The following LRRIQ3 variants were observed in gnomAD, a reference collection of about 807,000 sequenced individuals.
The protein encoded by LRRIQ3 is leucine rich repeats and IQ motif containing 3.
A neutral mutation model predicts 59.3 loss-of-function variants in LRRIQ3; 75 were observed. The ratio of observed to expected loss-of-function variants is 1.26; its 90% CI spans 1.05 to 1.53. The LOEUF is 1.53. Among genes scored for constraint, LRRIQ3 ranks in the 40% most tolerant of loss-of-function variants. The pLI, the probability that LRRIQ3 is intolerant of heterozygous loss-of-function variation, is 0.00. For missense variants in LRRIQ3, 831 were observed against 710.0 expected (o/e 1.17, Z -1.94); for synonymous variants, 250 against 231.3 (o/e 1.08, Z -0.73).
chr1:74,186,485 T>C (rs1650388138), intron 1 of LRRIQ3, among the ~76,000 whole-genome samples: 1 of 152,198 alleles, frequency 6.6e-6, no homozygotes, highest in Non-Finnish European at 1.5e-5. Flanking sequence ...AGTAGCTTTG[T>C]GACATTAACA....
chr1:74,132,591 C>T (rs1042518070), intron 4 of LRRIQ3, among the ~76,000 whole-genome samples: 3 of 151,968 alleles, frequency 2.0e-5, no homozygotes, highest in African/African-American at 7.3e-5. Flanking sequence ...CTTTGACAAA[C>T]CTGACAAAAA....
chr1:74,077,366 T>C (rs1646220782), intron 5 of LRRIQ3, among the ~76,000 whole-genome samples: 1 of 151,954 alleles, frequency 6.6e-6, no homozygotes, highest in South Asian at 2.1e-4. Context: ...CTCACTTTTA[T>C]CCTACCCATG....
intron 4 of LRRIQ3, 130 bp downstream of exon 4, chr1:74,155,603 G>T: frequency 1.5e-6 from 1 of 685,026 alleles, no homozygotes; most frequent in Non-Finnish European, 2.3e-6. Context: ...CTTAAAGTTA[G>T]GTTAAACAGA....
Position 74,026,697 on chromosome 1 carries a change from A to G in LRRIQ3, c.*116T>C. ...CTTTATATTTTTAGAAGACTTATAT[A>G]TAAATCCATCTTGTGATGTAGAGTA... is the stretch of plus-strand genomic sequence containing the variant. On this transcript the variant is annotated 3_prime_UTR_variant, in exon 8 of 8. Transcript: ENST00000354431. The G allele has an allele frequency of 1.3e-6, 1 of 777,260 alleles. No individual in the cohort carries two copies. Among genetic ancestry groups the G allele is most frequent in the Non-Finnish European group, 2.0e-6 (1 of 503,538 alleles). 48.1% of individuals were successfully genotyped at this position (777,260 alleles called of 1,614,324 possible).
At chr1:74,177,844 C>T (rs1403263005) in intron 3 of LRRIQ3, among the ~76,000 whole-genome samples, 1 of 151,838 alleles carries the variant, frequency 6.6e-6, no homozygotes, top group Non-Finnish European at 1.5e-5. Flanking sequence ...GAAATGCAAG[C>T]CCTATGTGCT....
chr1:74,043,402 A>G (rs1016669907), intron 6 of LRRIQ3, among the ~76,000 whole-genome samples: 2 of 152,150 alleles, frequency 1.3e-5, no homozygotes, highest in Non-Finnish European at 2.9e-5. Flanking sequence ...GACAGTAGAA[A>G]ATAATTGAAT....
In LRRIQ3 at chr1:74,198,099, TAG is replaced by T; in HGVS notation, c.-106_-105del. 1 of 1,321,692 alleles carries T rather than the reference TAG, an allele frequency of 7.6e-7. No individual in the cohort carries two copies. Among genetic ancestry groups the T allele is most frequent in the East Asian group, 2.5e-5 (1 of 39,372 alleles). 81.9% of individuals were successfully genotyped at this position (1,321,692 alleles called of 1,614,324 possible). ...GGCCATCTGCTCCTGAGACCGTTGCTAGAGAAACAAGACAACATCCAAGTTCT... is the reference window on the plus strand; with the variant it reads ...GGCCATCTGCTCCTGAGACCGTTGCTAGAAACAAGACAACATCCAAGTTCT... On this transcript the variant is annotated 5_prime_UTR_variant, in exon 1 of 8. It introduces an in-frame stop codon into an upstream open reading frame of the 5' UTR. Coordinates refer to ENST00000354431, the MANE Select transcript of LRRIQ3 (RefSeq NM_001105659.2).
intron 4 of LRRIQ3, among the ~76,000 whole-genome samples, chr1:74,151,139 T>A (rs1311267957): frequency 6.7e-6 from 1 of 148,472 alleles, no homozygotes; most frequent in Non-Finnish European, 1.5e-5. Context: ...TGCCTCAGCC[T>A]CCTGAGTAGC....
intron 1 of LRRIQ3, among the ~76,000 whole-genome samples, chr1:74,197,736 A>G (rs1029576422): frequency 6.6e-6 from 1 of 152,192 alleles, no homozygotes; most frequent in African/African-American, 2.4e-5. Context: ...AGGTTCCTAG[A>G]AAGAGCAGAG....
intron 3 of LRRIQ3, among the ~76,000 whole-genome samples, chr1:74,163,871 T>C (rs142900245): frequency 5.3e-5 from 8 of 151,702 alleles, no homozygotes; most frequent in African/African-American, 1.9e-4. Context: ...TTTATTTTCC[T>C]ACCAGTTTTG....
Position 74,197,999 on chromosome 1 carries a change from G to C in LRRIQ3, c.-4C>G. On this transcript the variant is annotated 5_prime_UTR_variant, in exon 1 of 8. Coordinates refer to ENST00000354431, the MANE Select transcript of LRRIQ3 (RefSeq NM_001105659.2). ...TCACCCAAACTGAACCACTCACCGG[G>C]TCAACTGGGCTGCAAGCCCTTATGA... is the stretch of plus-strand genomic sequence containing the variant. The C allele has an allele frequency of 1.9e-6, 1 of 538,106 alleles. No individual in the cohort carries two copies. The highest frequency in any genetic ancestry group is 3.4e-5 in the South Asian group (1 of 29,294). The allele number at this position is 538,106 out of a possible 1,614,324, so 33.3% of individuals were successfully genotyped here.
intron 3 of LRRIQ3, among the ~76,000 whole-genome samples, chr1:74,177,958 T>C (rs1315153508): frequency 6.6e-6 from 1 of 152,030 alleles, no homozygotes; most frequent in African/African-American, 2.4e-5. Flanking sequence ...ATTTATGGTA[T>C]ATGTTTTTGC....
Position 74,182,781 on chromosome 1 carries a change from T to C in LRRIQ3, c.330A>G (p.Ala110=), listed in dbSNP as rs1401485340. Residue 110 remains alanine, a synonymous_variant, in exon 3 of 8, where the codon GCA becomes GCG. Transcript: ENST00000354431. The part of the protein sequence containing the change: ...KLLYLHDNGF[A]KLKNICVLSA... Reference sequence around the variant, plus strand: ...ATAATACACATATATTCTTTAACTTTGCAAACCCATTGTCATGAAGATAGA... The same window carrying C: ...ATAATACACATATATTCTTTAACTTCGCAAACCCATTGTCATGAAGATAGA... 4 of 1,610,460 alleles carry C rather than the reference T, an allele frequency of 2.5e-6. No individual in the cohort carries two copies. In the East Asian group the frequency reaches 6.7e-5, roughly 27 times the overall value.
At chr1:74,196,208 T>A (rs1183838390) in intron 1 of LRRIQ3, among the ~76,000 whole-genome samples, 2 of 152,116 alleles carry the variant, frequency 1.3e-5, no homozygotes, top group African/African-American at 4.8e-5. Context: ...CCGTCCTAGA[T>A]CCAATAAATA....
At chr1:74,184,407 G>A (rs989209763) in intron 1 of LRRIQ3, among the ~76,000 whole-genome samples, 16 of 152,096 alleles carry the variant, frequency 1.1e-4, no homozygotes, top group Non-Finnish European at 2.9e-5. Context: ...AAGGTAGTCA[G>A]TGATAGGTGA....
intron 5 of LRRIQ3, among the ~76,000 whole-genome samples, chr1:74,104,405 T>C (rs1421541421): frequency 6.6e-6 from 1 of 152,028 alleles, no homozygotes; most frequent in Non-Finnish European, 1.5e-5. Context: ...GGAGCTTTAT[T>C]CATAATTGCC....
At chr1:74,173,718 A>T (rs184510846) in intron 3 of LRRIQ3, among the ~76,000 whole-genome samples, 7 of 152,106 alleles carry the variant, frequency 4.6e-5, no homozygotes, top group Admixed American at 4.6e-4. Context: ...GTTTCAATTG[A>T]AACAATAAAA....
intron 7 of LRRIQ3, among the ~76,000 whole-genome samples, chr1:74,030,770 T>C (rs976939952): frequency 1.3e-5 from 2 of 152,138 alleles, no homozygotes; most frequent in African/African-American, 4.8e-5. Context: ...TGGGGTCTAA[T>C]TAAACTAAAG....
chr1:74,124,609 A>C (rs1195194727), intron 4 of LRRIQ3, among the ~76,000 whole-genome samples: 2 of 152,012 alleles, frequency 1.3e-5, no homozygotes, highest in African/African-American at 4.8e-5. Flanking sequence ...CCACTTACTG[A>C]AGAGACTGTC....
Sources: allele counts gnomAD v4.1 joint callset (sites outside exome capture counted in the v4.1 genomes callset), GRCh38; gene constraint gnomAD v4.1.1; transcripts MANE v1.5; gene names NCBI Gene and HGNC (gene_info 2026-07-23, HGNC 2026-07-21).